PAX6: variants seen among roughly 807,000 people sequenced by gnomAD.
PAX6 encodes the protein paired box protein Pax-6.
Under a neutral mutation model 60.7 loss-of-function variants are expected in PAX6, and 7 were observed. That is an observed-to-expected ratio of 0.12 (90% CI 0.07 to 0.22). The LOEUF (loss-of-function observed/expected upper bound fraction) is 0.22. Among genes scored for constraint, PAX6 ranks in the 10% least tolerant of loss-of-function variants. The pLI, the probability that PAX6 is intolerant of heterozygous loss-of-function variation, is 1.00. For synonymous variants in PAX6, 208 were observed against 201.2 expected, an observed-to-expected ratio of 1.03 and a Z score of -0.29; for missense variants, 355 against 555.2, an observed-to-expected ratio of 0.64 and a Z score of 3.62.
Position 31,816,725 on chromosome 11 carries a change from G to A in PAX6, c.-317+1084C>T, listed in dbSNP as rs1957398196. The A allele has an allele frequency of 5.8e-6, 4 of 689,594 alleles. No homozygotes were observed. In the Admixed American group the frequency reaches 8.1e-5, roughly 14 times the overall value. The allele number at this position is 689,594 out of a possible 1,614,324, so 42.7% of individuals were successfully genotyped here. A position where few individuals can be genotyped will look rare whatever the true frequency, so the allele number is the denominator to read the frequency against. On this transcript the variant is annotated intron_variant, in intron 1 of 12. Transcript: ENST00000241001. ...GGGGCGCCACCGCTCGGAGTCGGGCGGAGGTCCCAACACCTGTCACAGGTG... is the reference window on the plus strand; with the variant it reads ...GGGGCGCCACCGCTCGGAGTCGGGCAGAGGTCCCAACACCTGTCACAGGTG...
upstream of PAX6, among the ~76,000 whole-genome samples, chr11:31,813,498 A>C (rs561857608): frequency 3.9e-5 from 6 of 152,066 alleles, no homozygotes; most frequent in South Asian, 1.2e-3. Context: ...CCTCGGAAAG[A>C]AGCAGCCGTA....
At chr11:31,816,418 G>T (rs1421878413) in intron 1 of PAX6, 1 of 628,138 alleles carries the variant, frequency 1.6e-6, no homozygotes, top group Non-Finnish European at 2.9e-6. Flanking sequence ...GGCGCGGAGC[G>T]AGGACTCTGG....
At chr11:31,790,111 A>C (rs992913409) in intron 13 of PAX6, 92 bp from the exon 14 acceptor site, 2 of 802,486 alleles carry the variant, frequency 2.5e-6, no homozygotes, top group East Asian at 2.7e-5. Flanking sequence ...AAAAAAAAAA[A>C]AAAAAAAAAC....
chr11:31,811,945 C>T (rs1957080681), upstream of PAX6: 1 of 152,384 alleles, frequency 6.6e-6, no homozygotes, highest in South Asian at 2.1e-4. Context: ...CAGAGGCCTC[C>T]CCAGCCCAAG....
chr11:31,794,548 C>G, intron 9 of PAX6, 82 bp downstream of exon 9: 2 of 1,393,928 alleles, frequency 1.4e-6, no homozygotes, highest in South Asian at 2.3e-5. Flanking sequence ...TGCAAAGGGC[C>G]CTGGCTAAAT....
At chr11:31,815,030 T>TC (rs1957313094), upstream of PAX6, 138 of 71,526 alleles carry the variant, frequency 1.9e-3, no homozygotes, top group African/African-American at 6.8e-3. Context: ...CTCTCTCTCT[T>TC]TCTCTCTCTG....
At position 31,801,041 on chromosome 11, in the gene PAX6, G is replaced by C. The variant is rs954739407; in HGVS notation, c.400-185C>G. 3 of 784,708 alleles carry C rather than the reference G, an allele frequency of 3.8e-6. No individual in the cohort carries two copies. In the African/African-American group the frequency reaches 5.1e-5, roughly 13 times the overall value. 48.6% of individuals were successfully genotyped at this position (784,708 alleles called of 1,614,324 possible). On this transcript the variant is annotated intron_variant, in intron 7 of 13. Coordinates refer to ENST00000640368, the MANE Select transcript of PAX6 (RefSeq NM_001368894.2). ...AATGATAGCTATCACTTTGGGCATG[G>C]AAATTTAGTTGGATAGAGAATTGGG...
intron 4 of PAX6, 44 bp downstream of exon 4, chr11:31,806,358 G>C (rs779008470): frequency 8.2e-6 from 13 of 1,594,224 alleles, no homozygotes; most frequent in Middle Eastern, 1.8e-4. Context: ...CCTCGGGTCC[G>C]CGCACCCCGA....
At chr11:31,803,613 G>A (rs1429565139) in intron 4 of PAX6, 2 of 152,356 alleles carry the variant, frequency 1.3e-5, no homozygotes, top group Non-Finnish European at 2.9e-5. Flanking sequence ...GTCAGAGCCC[G>A]GGCTCGGCTT....
At chr11:31,792,951 A>C (rs1049226705) in intron 12 of PAX6, 1 of 386,290 alleles carries the variant, frequency 2.6e-6, no homozygotes, top group African/African-American at 2.0e-5. Context: ...TGTAAATATG[A>C]ATCCCATTTC....
chr11:31,813,402 A>AGGGG (rs1957223775), upstream of PAX6, among the ~76,000 whole-genome samples: 1 of 112,036 alleles, frequency 8.9e-6, no homozygotes, highest in African/African-American at 3.7e-5. Flanking sequence ...GGGGGGGGGA[A>AGGGG]GTGATTCTGT....
chr11:31,816,687 G>A, intron 1 of PAX6: 1 of 631,878 alleles, frequency 1.6e-6, no homozygotes, highest in Non-Finnish European at 2.8e-6. Flanking sequence ...CCGTTTCCAG[G>A]TGAGGTGAGC....
chr11:31,811,512 G>A (rs1016175804), upstream of PAX6: 1 of 290,130 alleles, frequency 3.4e-6, no homozygotes, highest in East Asian at 5.5e-5. Context: ...CCCCGAGCCC[G>A]GGCTCTGGCG....
At chr11:31,806,260 G>T in intron 4 of PAX6, 142 bp downstream of exon 4, 1 of 872,752 alleles carries the variant, frequency 1.1e-6, no homozygotes, top group Non-Finnish European at 1.7e-6. Flanking sequence ...GGCGCGGAGC[G>T]GGGAGCAGCC....
chr11:31,816,781 T>G, intron 1 of PAX6: 1 of 617,576 alleles, frequency 1.6e-6, no homozygotes, highest in Admixed American at 2.5e-5. Flanking sequence ...CCAGAAGACC[T>G]AGAAAGGGGG....
chr11:31,814,527 C>A (rs1957278741), upstream of PAX6: 1 of 152,272 alleles, frequency 6.6e-6, no homozygotes, highest in Non-Finnish European at 1.5e-5. Flanking sequence ...AGCGCCGGCG[C>A]GCTGGAAAGG....
At chr11:31,806,210 G>A in intron 4 of PAX6, 192 bp downstream of exon 4, 3 of 563,778 alleles carry the variant, frequency 5.3e-6, no homozygotes, top group Non-Finnish European at 6.1e-6. Context: ...CTCCAGTATC[G>A]AGAAGAGCCA....
intron 7 of PAX6, 72 bp downstream of exon 7, chr11:31,801,489 G>A (rs1247287107): frequency 1.2e-6 from 2 of 1,610,332 alleles, no homozygotes; most frequent in African/African-American, 1.3e-5. Context: ...TGGAGAGAGA[G>A]GGTGGGAGGA....
intron 8 of PAX6, 125 bp from the exon 9 acceptor site, chr11:31,794,913 GGTAACT>G: frequency 2.3e-6 from 2 of 851,730 alleles, no homozygotes; most frequent in African/African-American, 1.7e-5. Context: ...ACATTCCCAA[GGTAACT>G]GTCAGCCTTC....
Sources: allele counts gnomAD v4.1 joint callset (sites outside exome capture counted in the v4.1 genomes callset), GRCh38; gene constraint gnomAD v4.1.1; transcripts MANE v1.5; gene names NCBI Gene and HGNC (gene_info 2026-07-23, HGNC 2026-07-21).